Variants in ADGRL4 observed in about 807,000 individuals in gnomAD.
ADGRL4 encodes the protein EGF, latrophilin and seven transmembrane domain containing 1.
Under a neutral mutation model 74.8 loss-of-function variants are expected in ADGRL4, and 90 were observed. The observed-to-expected ratio is 1.20, with a 90% CI of 1.02 to 1.43. The LOEUF (loss-of-function observed/expected upper bound fraction) is 1.43. Among genes scored for constraint, ADGRL4 ranks in the 40% most tolerant of loss-of-function variants. The probability of loss-of-function intolerance (pLI) is 0.00; values close to 1 mark genes in which losing one functional copy is unlikely to be tolerated. For synonymous variants in ADGRL4, 311 were observed against 279.2 expected (o/e 1.11, Z -1.14); for missense variants, 881 against 814.3 (o/e 1.08, Z -1.00).
chr1:78,898,878 C>G (rs571822510), intron 12 of ADGRL4, among the ~76,000 whole-genome samples: 1 of 151,866 alleles, frequency 6.6e-6, no homozygotes, highest in Non-Finnish European at 1.5e-5. Context: ...TTTTAAGTGT[C>G]TTTAAAAAAA....
At chr1:78,919,541 C>T (rs1648952308) in intron 10 of ADGRL4, among the ~76,000 whole-genome samples, 1 of 151,886 alleles carries the variant, frequency 6.6e-6, no homozygotes, top group African/African-American at 2.4e-5. Context: ...CTTTTGCCCA[C>T]TCTTCTTTTC....
At chr1:78,981,135 C>T (rs569913242) in intron 2 of ADGRL4, among the ~76,000 whole-genome samples, 16 of 151,862 alleles carry the variant, frequency 1.1e-4, no homozygotes, top group Non-Finnish European at 2.2e-4. Flanking sequence ...CTTCTAATTA[C>T]CACTCTGGCC....
At chr1:78,896,898 A>G (rs1017459236) in intron 12 of ADGRL4, among the ~76,000 whole-genome samples, 1 of 152,136 alleles carries the variant, frequency 6.6e-6, no homozygotes, top group Non-Finnish European at 1.5e-5. Context: ...ACTCACAGTG[A>G]GTTCATCATA....
At position 79,006,712 on chromosome 1, in the gene ADGRL4, G is replaced by A; in HGVS notation, c.-58C>T. 1 of 1,408,004 alleles carries A rather than the reference G, an allele frequency of 7.1e-7. No homozygotes were observed. The allele number at this position is 1,408,004 out of a possible 1,614,324, so 87.2% of individuals were successfully genotyped here. A position where few individuals can be genotyped will look rare whatever the true frequency, so the allele number is the denominator to read the frequency against. On this transcript the variant is annotated 5_prime_UTR_variant, in exon 1 of 15. Transcript: ENST00000370742. ...AGCGCGGCGGAGTGAGTGCGGCTGT[G>A]GACCCGGGACCGGGCGCCGCTGGGC... is the stretch of plus-strand genomic sequence containing the variant.
chr1:78,949,336 A>G (rs1649676494), intron 2 of ADGRL4, among the ~76,000 whole-genome samples: 1 of 152,074 alleles, frequency 6.6e-6, no homozygotes, highest in Non-Finnish European at 1.5e-5. Flanking sequence ...AGTTGATATT[A>G]ATTTTTGTGT....
chr1:78,928,640 A>G (rs1649169076), intron 7 of ADGRL4, among the ~76,000 whole-genome samples: 1 of 151,464 alleles, frequency 6.6e-6, no homozygotes, highest in Admixed American at 6.6e-5. Context: ...CCTTCAATTT[A>G]ATTGATAGAA....
intron 2 of ADGRL4, among the ~76,000 whole-genome samples, chr1:78,996,366 G>T (rs1214620905): frequency 2.8e-5 from 4 of 142,454 alleles, no homozygotes; most frequent in Non-Finnish European, 4.7e-5. Context: ...ACTACTTAAG[G>T]ACATAAAGAT....
chr1:78,951,438 G>A (rs1446862234), intron 2 of ADGRL4, among the ~76,000 whole-genome samples: 1 of 152,082 alleles, frequency 6.6e-6, no homozygotes, highest in Non-Finnish European at 1.5e-5. Flanking sequence ...AACTACACAG[G>A]GGGTTAAAAT....
At chr1:78,903,009 T>A (rs1648550117) in intron 12 of ADGRL4, among the ~76,000 whole-genome samples, 1 of 152,142 alleles carries the variant, frequency 6.6e-6, no homozygotes, top group Non-Finnish European at 1.5e-5. Context: ...AAATATAAAT[T>A]GGGGTACATG....
At chr1:78,901,692 T>A (rs956915321) in intron 12 of ADGRL4, among the ~76,000 whole-genome samples, 4 of 152,192 alleles carry the variant, frequency 2.6e-5, no homozygotes, top group African/African-American at 9.6e-5. Context: ...GCAAGTATGA[T>A]GCCACAGTGT....
intron 2 of ADGRL4, among the ~76,000 whole-genome samples, chr1:78,970,920 G>C (rs1213383275): frequency 6.6e-6 from 1 of 152,144 alleles, no homozygotes; most frequent in African/African-American, 2.4e-5. Context: ...GATGACAAAA[G>C]GGTAAAGTGT....
chr1:78,941,937 C>T (rs1280240994), intron 3 of ADGRL4, among the ~76,000 whole-genome samples: 4 of 152,058 alleles, frequency 2.6e-5, no homozygotes, highest in African/African-American at 9.7e-5. Flanking sequence ...CAGTGGCTTT[C>T]GCCTGTAATC....
At chr1:78,971,000 C>G (rs1162417101) in intron 2 of ADGRL4, among the ~76,000 whole-genome samples, 1 of 152,144 alleles carries the variant, frequency 6.6e-6, no homozygotes, top group African/African-American at 2.4e-5. Flanking sequence ...ATTTTTGAGC[C>G]ATCCTTACCC....
At chr1:78,913,876 C>A (rs78038280) in intron 12 of ADGRL4, among the ~76,000 whole-genome samples, 1 of 151,700 alleles carries the variant, frequency 6.6e-6, no homozygotes, top group Non-Finnish European at 1.5e-5. Flanking sequence ...AGCAAGGCCC[C>A]GACTATAAAC....
At chr1:78,901,281 T>C (rs1181691775) in intron 12 of ADGRL4, among the ~76,000 whole-genome samples, 4 of 152,326 alleles carry the variant, frequency 2.6e-5, no homozygotes, top group East Asian at 1.9e-4. Context: ...TCTGAGGACA[T>C]TGGCTTCTTA....
chr1:78,995,331 A>G (rs1650691762), intron 2 of ADGRL4, among the ~76,000 whole-genome samples: 1 of 152,206 alleles, frequency 6.6e-6, no homozygotes, highest in African/African-American at 2.4e-5. Context: ...AAACCACCAG[A>G]GAAAATATGG....
chr1:78,940,192 G>T (rs1239311345), intron 3 of ADGRL4, among the ~76,000 whole-genome samples: 1 of 152,094 alleles, frequency 6.6e-6, no homozygotes, highest in African/African-American at 2.4e-5. Context: ...CAACAACTCA[G>T]TGTAATCTGG....
At chr1:78,993,366 T>G (rs1256523962) in intron 2 of ADGRL4, among the ~76,000 whole-genome samples, 2 of 152,168 alleles carry the variant, frequency 1.3e-5, no homozygotes, top group Non-Finnish European at 2.9e-5. Context: ...TAAAAAATGA[T>G]TAAACCTATA....
At position 78,917,088 on chromosome 1, in the gene ADGRL4, TG is replaced by T. The variant is rs1424915230; in HGVS notation, c.1749+545del. 1.1e-4 allele frequency among the ~76,000 whole-genome samples: 16 copies of T among 152,004 alleles called. No homozygotes were observed. The East Asian group carries it at 3.1e-3, about 30-fold the overall frequency. ...AGAAATAGTGGGTTCTTGTCTCTGC[TG>T]TTGCAATTTAGTTTAAAATCACTTT... On this transcript the variant is annotated intron_variant, in intron 12 of 14. Transcript: ENST00000370742.
Sources: allele counts gnomAD v4.1 joint callset (sites outside exome capture counted in the v4.1 genomes callset), GRCh38; gene constraint gnomAD v4.1.1; transcripts MANE v1.5; gene names NCBI Gene and HGNC (gene_info 2026-07-23, HGNC 2026-07-21).